The following SLIT2 variants were observed in gnomAD, a reference collection of about 807,000 sequenced individuals.
The protein encoded by SLIT2 is slit guidance ligand 2.
In SLIT2, 41 loss-of-function variants were observed where a neutral mutation model predicts 185.7. The ratio of observed to expected loss-of-function variants is 0.22; its 90% CI spans 0.17 to 0.29. The LOEUF (loss-of-function observed/expected upper bound fraction) is 0.29, where lower values mean the gene tolerates loss of function less well. Ranked by LOEUF, SLIT2 falls within the 10% of genes least tolerant of loss-of-function variation. The pLI, the probability that SLIT2 is intolerant of heterozygous loss-of-function variation, is 1.00. For synonymous variants in SLIT2, 693 were observed against 680.2 expected (o/e 1.02, Z -0.29); for missense variants, 1,571 against 1,909.0 (o/e 0.82, Z 3.30).
intron 4 of SLIT2, among the ~76,000 whole-genome samples, chr4:20,319,806 C>CAAAAA (rs200940864): frequency 1.1e-5 from 1 of 88,834 alleles, no homozygotes; most frequent in African/African-American, 3.7e-5. Flanking sequence ...CACTAAAAAA[C>CAAAAA]AAAACAAAAA....
chr4:20,257,149 C>T (rs1359203191), intron 2 of SLIT2, among the ~76,000 whole-genome samples: 9 of 151,610 alleles, frequency 5.9e-5, no homozygotes, highest in African/African-American at 1.2e-4. Flanking sequence ...TATTTTTTTG[C>T]GAAAATCTAA....
chr4:20,307,389 C>T (rs1445412744), intron 4 of SLIT2, among the ~76,000 whole-genome samples: 5 of 151,382 alleles, frequency 3.3e-5, no homozygotes, highest in African/African-American at 7.3e-5. Context: ...CAGCCTCCCA[C>T]GTGGCTGACA....
chr4:20,584,884 G>A (rs574277564), intron 29 of SLIT2, among the ~76,000 whole-genome samples: 42 of 152,094 alleles, frequency 2.8e-4, no homozygotes, highest in African/African-American at 2.9e-4. Context: ...GTGAAACCCC[G>A]TCTCTACTTA....
intron 4 of SLIT2, among the ~76,000 whole-genome samples, chr4:20,400,199 T>C (rs567378249): frequency 6.6e-6 from 1 of 151,924 alleles, no homozygotes; most frequent in African/African-American, 2.4e-5. Context: ...CTATAAGTCT[T>C]ATTATGATGG....
chr4:20,471,672 C>T (rs1715035518), intron 5 of SLIT2, among the ~76,000 whole-genome samples: 1 of 152,120 alleles, frequency 6.6e-6, no homozygotes, highest in African/African-American at 2.4e-5. Context: ...CCAGTGTTCA[C>T]AAGATTTTCA....
At chr4:20,438,163 A>T (rs1197379284) in intron 4 of SLIT2, among the ~76,000 whole-genome samples, 1 of 152,162 alleles carries the variant, frequency 6.6e-6, no homozygotes, top group Non-Finnish European at 1.5e-5. Flanking sequence ...TCCAAACAGT[A>T]TCCAGGGTGA....
Position 20,609,999 on chromosome 4 carries a change from T to C in SLIT2, c.3693-14T>C. The C allele has an allele frequency of 6.3e-7, 1 of 1,582,646 alleles. No individual in the cohort carries two copies. The highest frequency in any genetic ancestry group is 8.6e-7 in the Non-Finnish European group (1 of 1,167,058). ...AGAAAATGGAAGAATCAGCCATTTT[T>C]TTTTCCGTTGTAGTGTGGAGACAAT... On this transcript the variant is annotated splice_polypyrimidine_tract_variant and intron_variant, in intron 33 of 36. Transcript: ENST00000504154.
At chr4:20,542,311 A>T (rs561340205) in intron 20 of SLIT2, among the ~76,000 whole-genome samples, 183 bp from the exon 21 acceptor site, 1 of 152,212 alleles carries the variant, frequency 6.6e-6, no homozygotes, top group Non-Finnish European at 1.5e-5. Context: ...TTCCCTAGGC[A>T]GTCTGAAAAC....
chr4:20,538,889 G>C (rs566500224), intron 18 of SLIT2, among the ~76,000 whole-genome samples: 1 of 151,430 alleles, frequency 6.6e-6, no homozygotes, highest in Non-Finnish European at 1.5e-5. Flanking sequence ...TTAAAACAAT[G>C]AGCTAATTTT....
At chr4:20,347,141 T>C (rs1215115320) in intron 4 of SLIT2, among the ~76,000 whole-genome samples, 1 of 152,184 alleles carries the variant, frequency 6.6e-6, no homozygotes, top group East Asian at 1.9e-4. Flanking sequence ...AGATGGAAGA[T>C]GGTAAAGAAA....
At chr4:20,377,045 AAGAG>A (rs748822457) in intron 4 of SLIT2, among the ~76,000 whole-genome samples, 95 of 151,972 alleles carry the variant, frequency 6.3e-4, no homozygotes, top group African/African-American at 1.9e-3. Flanking sequence ...AAAAAATAAA[AAGAG>A]AGAGAGAAAG....
intron 29 of SLIT2, among the ~76,000 whole-genome samples, chr4:20,577,613 G>C (rs61790683): frequency 0.34 from 51,294 of 151,892 alleles, 8,917 homozygotes; most frequent in African/African-American, 0.39. Flanking sequence ...AGCAAAAGAG[G>C]AGAAAATATA....
Position 20,524,092 on chromosome 4 carries a change from G to A in SLIT2, c.1353G>A (p.Glu451=), listed in dbSNP as rs1560500302. ...ATTATCTCCATACCAACCCGATTGA[G>A]ACCAGTGGTGCCCGTTGCACCAGCC... ...LADYLHTNPI[E]TSGARCTSPR... Residue 451 remains glutamate, a synonymous_variant, in exon 14 of 37, where the codon GAG becomes GAA. Transcript: ENST00000504154. 1 of 1,614,182 alleles carries A rather than the reference G, an allele frequency of 6.2e-7. No individual in the cohort carries two copies. Among genetic ancestry groups the A allele is most frequent in the Non-Finnish European group, 8.5e-7 (1 of 1,180,030 alleles).
chr4:20,298,423 C>CT (rs1222108561), intron 4 of SLIT2, among the ~76,000 whole-genome samples: 3 of 152,124 alleles, frequency 2.0e-5, no homozygotes, highest in African/African-American at 4.8e-5. Flanking sequence ...AGGAAATGGT[C>CT]TTATAGGAAT....
chr4:20,542,878 CA>C (rs1315331843), intron 21 of SLIT2, among the ~76,000 whole-genome samples: 1 of 147,366 alleles, frequency 6.8e-6, no homozygotes, highest in Non-Finnish European at 1.5e-5. Context: ...TAAGATTTCT[CA>C]GTGCCTTTAC....
chr4:20,399,359 G>T (rs566316371), intron 4 of SLIT2, among the ~76,000 whole-genome samples: 45 of 151,748 alleles, frequency 3.0e-4, no homozygotes, highest in Admixed American at 9.9e-4. Context: ...ACCAGTCAGG[G>T]TTTCAATCCA....
At position 20,549,101 on chromosome 4, in the gene SLIT2, T is replaced by G. The variant is rs1224626965; in HGVS notation, c.2462T>G (p.Phe821Cys). The change falls in exon 24 of 37, where the codon TTT becomes TGT. Residue 821 changes from phenylalanine to cysteine, a missense_variant. Around this residue, in one of 3 missense-constraint regions of SLIT2, gnomAD observed 1,202 missense variants for 1,416.4 expected, o/e 0.85. Transcript: ENST00000504154. ...NRLRCIPPRTFDGLKSLRLLS... is the reference protein window; with the variant it reads ...NRLRCIPPRTCDGLKSLRLLS... ...CTGAGATGTATTCCTCCTCGCACCTTTGATGGATTAAAGTCTCTTCGATTA... is the reference window on the plus strand; with the variant it reads ...CTGAGATGTATTCCTCCTCGCACCTGTGATGGATTAAAGTCTCTTCGATTA... 3 of 1,598,088 alleles carry G rather than the reference T, an allele frequency of 1.9e-6. No individual in the cohort carries two copies. Among genetic ancestry groups the G allele is most frequent in the Non-Finnish European group, 2.6e-6 (3 of 1,166,034 alleles).
At position 20,356,202 on chromosome 4, in the gene SLIT2, G is replaced by T. The variant is rs181744984; in HGVS notation, c.395+87321G>T. On this transcript the variant is annotated intron_variant, in intron 4 of 36. Coordinates refer to ENST00000504154, the MANE Select transcript of SLIT2 (RefSeq NM_004787.4). Reference sequence around the variant, plus strand: ...ATAAGAAGATTTATTTAAATTTGATGTATTTAGAATTTGGAGTCTGGTCAC... The same window carrying T: ...ATAAGAAGATTTATTTAAATTTGATTTATTTAGAATTTGGAGTCTGGTCAC... Among the ~76,000 whole-genome samples the T allele has an allele frequency of 6.0e-4, 92 of 152,260 alleles. No homozygotes were observed. In the South Asian group the frequency reaches 0.014, roughly 24 times the overall value.
rs370271165 is a variant in SLIT2 at position 20,364,399 on chromosome 4, G to A, written c.395+95518G>A. The A allele has an allele frequency of 4.5e-5, 16 of 353,476 alleles. No homozygotes were observed. The South Asian group carries it at 1.7e-3, about 38-fold the overall frequency. The allele number at this position is 353,476 out of a possible 1,614,324, so 21.9% of individuals were successfully genotyped here. ...GCAAAGAGAAAAAGAAAGCTGACCTGCCCATTTTAACATTTTAACAGATAA... is the reference window on the plus strand; with the variant it reads ...GCAAAGAGAAAAAGAAAGCTGACCTACCCATTTTAACATTTTAACAGATAA... On this transcript the variant is annotated intron_variant, in intron 4 of 36. Coordinates refer to ENST00000504154, the MANE Select transcript of SLIT2 (RefSeq NM_004787.4).
Sources: gnomAD v4.1 joint callset for allele counts (sites outside exome capture counted in the v4.1 genomes callset) on GRCh38, gnomAD v4.1.1 for gene constraint, gnomAD v4.1.1 regional missense constraint, MANE v1.5 for transcripts, NCBI Gene and HGNC (gene_info 2026-07-23, HGNC 2026-07-21) for gene names.